SRBD1: variants seen among roughly 807,000 people sequenced by gnomAD.
SRBD1 encodes the protein S1 RNA binding domain 1.
SRBD1 carries 88 observed loss-of-function variants against 115.3 expected under a neutral mutation model. That is an observed-to-expected ratio of 0.76 (90% confidence interval 0.64 to 0.91). SRBD1 has a LOEUF of 0.91. SRBD1 is among the 40% of genes least tolerant of loss of function. The pLI, the probability that SRBD1 is intolerant of heterozygous loss-of-function variation, is 0.00. For missense variants in SRBD1, 1,385 were observed against 1,177.4 expected (o/e 1.18, Z -2.58); for synonymous variants, 509 against 407.7 (o/e 1.25, Z -2.99).
chr2:45,521,090 GT>G (rs1259702131), intron 14 of SRBD1, among the ~76,000 whole-genome samples: 2 of 152,056 alleles, frequency 1.3e-5, no homozygotes, highest in Non-Finnish European at 2.9e-5. Flanking sequence ...CCCATAAGAG[GT>G]TTGAACAGCG....
At chr2:45,476,664 ATTATT>A (rs1342932597) in intron 16 of SRBD1, among the ~76,000 whole-genome samples, 4 of 152,210 alleles carry the variant, frequency 2.6e-5, no homozygotes, top group African/African-American at 9.6e-5. Context: ...CACTATTGTA[ATTATT>A]TTAGATAGCA....
intron 14 of SRBD1, among the ~76,000 whole-genome samples, chr2:45,509,285 A>C (rs1479654644): frequency 6.6e-6 from 1 of 152,134 alleles, no homozygotes; most frequent in African/African-American, 2.4e-5. Context: ...GTAAAAAACA[A>C]AATTTTACGT....
chr2:45,545,283 T>TAAAAAAAAAAAAAAAAAAAAAAAAA (rs56909656), intron 14 of SRBD1, among the ~76,000 whole-genome samples: 5 of 68,586 alleles, frequency 7.3e-5, no homozygotes, highest in Non-Finnish European at 9.7e-5. Context: ...CTGTCTCAAT[T>TAAAAAAAAAAAAAAAAAAAAAAAAA]AAAAAAAAAA....
chr2:45,431,206 T>G (rs1668325123), intron 16 of SRBD1, among the ~76,000 whole-genome samples: 2 of 151,832 alleles, frequency 1.3e-5, no homozygotes, highest in Non-Finnish European at 2.9e-5. Context: ...TTGGTGGGAG[T>G]GTAAATTAGT....
chr2:45,389,179 G>C lies in SRBD1; in HGVS notation c.*131C>G. ...TTCAGAAGAAAAAATAAAGGAAAGT[G>C]TTTGGAAAATATTTCTGATATTAAG... On this transcript the variant is annotated 3_prime_UTR_variant, in exon 21 of 21. Coordinates refer to ENST00000263736, the MANE Select transcript of SRBD1 (RefSeq NM_018079.5). 9.0e-7 allele frequency: 1 copy of C among 1,111,850 alleles called. No homozygotes were observed. The highest frequency in any genetic ancestry group is 1.8e-5 in the South Asian group (1 of 55,744). The allele number at this position is 1,111,850 out of a possible 1,614,324, so 68.9% of individuals were successfully genotyped here. A position where few individuals can be genotyped will look rare whatever the true frequency, so the allele number is the denominator to read the frequency against.
At chr2:45,446,400 T>A (rs1233358745) in intron 16 of SRBD1, among the ~76,000 whole-genome samples, 1 of 151,816 alleles carries the variant, frequency 6.6e-6, no homozygotes, top group Non-Finnish European at 1.5e-5. Flanking sequence ...TATACTGAGG[T>A]AGGAGAACAA....
chr2:45,551,015 C>T (rs1179554760), intron 12 of SRBD1, 110 bp downstream of exon 12: 2 of 1,353,964 alleles, frequency 1.5e-6, no homozygotes, highest in African/African-American at 3.0e-5. Context: ...GAGAAAACCA[C>T]TTTTTAAGCC....
At chr2:45,600,764 C>G (rs1394166513) in intron 3 of SRBD1, among the ~76,000 whole-genome samples, 2 of 152,218 alleles carry the variant, frequency 1.3e-5, no homozygotes, top group Non-Finnish European at 2.9e-5. Flanking sequence ...CTAAGCTGGT[C>G]TGTTCTCCGT....
At chr2:45,571,987 T>C (rs369180158) in intron 9 of SRBD1, among the ~76,000 whole-genome samples, 2 of 152,268 alleles carry the variant, frequency 1.3e-5, no homozygotes, top group African/African-American at 4.8e-5. Flanking sequence ...ATGAAGAATT[T>C]CTTAAGTTTG....
intron 16 of SRBD1, among the ~76,000 whole-genome samples, chr2:45,425,827 G>C (rs1214585612): frequency 6.6e-6 from 1 of 152,148 alleles, no homozygotes; most frequent in African/African-American, 2.4e-5. Context: ...CAAATACTAC[G>C]CTTTTCCCGT....
chr2:45,448,007 G>T (rs1668879691), intron 16 of SRBD1: 1 of 152,084 alleles, frequency 6.6e-6, no homozygotes, highest in Non-Finnish European at 1.5e-5. Context: ...TGTTTAATGA[G>T]AGTATTAAAT....
chr2:45,547,175 A>G (rs1378571415), intron 13 of SRBD1, among the ~76,000 whole-genome samples: 1 of 152,228 alleles, frequency 6.6e-6, no homozygotes, highest in Non-Finnish European at 1.5e-5. Flanking sequence ...ATTATGATTA[A>G]ATTATATAAT....
chr2:45,602,852 T>G (rs1286700485), intron 2 of SRBD1, among the ~76,000 whole-genome samples: 6 of 152,222 alleles, frequency 3.9e-5, no homozygotes, highest in Non-Finnish European at 1.5e-5. Flanking sequence ...TTTTTAATGT[T>G]AAGTTCTTGC....
chr2:45,537,299 G>A (rs1375131641), intron 14 of SRBD1, among the ~76,000 whole-genome samples: 1 of 152,140 alleles, frequency 6.6e-6, no homozygotes, highest in Non-Finnish European at 1.5e-5. Flanking sequence ...TGTACTTCTT[G>A]TCACTATCGC....
At chr2:45,524,230 A>G (rs530079278) in intron 14 of SRBD1, among the ~76,000 whole-genome samples, 25 of 152,032 alleles carry the variant, frequency 1.6e-4, no homozygotes, top group Non-Finnish European at 3.2e-4. Flanking sequence ...TGTTTCCCCT[A>G]AAACAGGAAC....
chr2:45,437,719 C>T (rs1337000099), intron 16 of SRBD1, among the ~76,000 whole-genome samples: 17 of 152,272 alleles, frequency 1.1e-4, no homozygotes, highest in Non-Finnish European at 2.9e-5. Flanking sequence ...TAGACTAAGA[C>T]TCTGTCTCAA....
At chr2:45,514,463 A>G (rs1671062377) in intron 14 of SRBD1, among the ~76,000 whole-genome samples, 1 of 152,134 alleles carries the variant, frequency 6.6e-6, no homozygotes, top group African/African-American at 2.4e-5. Flanking sequence ...ATGAAAAGGG[A>G]AAAAAACGAC....
chr2:45,522,045 G>A (rs1572730094), intron 14 of SRBD1, among the ~76,000 whole-genome samples: 1 of 151,968 alleles, frequency 6.6e-6, no homozygotes, highest in East Asian at 1.9e-4. Context: ...GTATACCAAT[G>A]TTCATAGCAG....
chr2:45,534,860 A>G (rs904020123), intron 14 of SRBD1, among the ~76,000 whole-genome samples: 1 of 151,956 alleles, frequency 6.6e-6, no homozygotes, highest in African/African-American at 2.4e-5. Context: ...AAGCAAAAGA[A>G]AAAGGTCCAG....
Sources: allele counts gnomAD v4.1 joint callset (sites outside exome capture counted in the v4.1 genomes callset), GRCh38; gene constraint gnomAD v4.1.1; transcripts MANE v1.5; gene names NCBI Gene and HGNC (gene_info 2026-07-23, HGNC 2026-07-21).